PTRHD1: variants seen among roughly 807,000 people sequenced by gnomAD.
The protein encoded by PTRHD1 is peptidyl-tRNA hydrolase domain containing 1.
PTRHD1 carries 12 observed loss-of-function variants against 13.6 expected under a neutral mutation model. The observed-to-expected ratio is 0.88, with a 90% confidence interval of 0.57 to 1.43. The LOEUF (loss-of-function observed/expected upper bound fraction) is 1.43, where lower values mean the gene tolerates loss of function less well. PTRHD1 is among the 40% of genes most tolerant of loss of function. The pLI is 0.00. For synonymous variants in PTRHD1, 86 were observed against 79.5 expected (o/e 1.08, Z -0.43); for missense variants, 203 against 184.7 (o/e 1.10, Z -0.57).
chr2:24,789,752 A>T lies in PTRHD1; in HGVS notation c.*659T>A, dbSNP rs1318000100. 5 of 152,276 alleles carry T rather than the reference A, an allele frequency of 3.3e-5. No homozygotes were observed. Among genetic ancestry groups the T allele is most frequent in the Non-Finnish European group, 7.3e-5 (5 of 68,066 alleles). The allele number at this position is 152,276 out of a possible 1,614,324, so 9.4% of individuals were successfully genotyped here. On this transcript the variant is annotated 3_prime_UTR_variant, in exon 2 of 2. Coordinates refer to ENST00000328379, the MANE Select transcript of PTRHD1 (RefSeq NM_001013663.2). ...CTGTAGTACTTGACAGATTTCATTGAATCTAATAAATCTGTATGTATGTAC... is the reference window on the plus strand; with the variant it reads ...CTGTAGTACTTGACAGATTTCATTGTATCTAATAAATCTGTATGTATGTAC...
chr2:24,792,938 T>C lies in PTRHD1; in HGVS notation c.252+188A>G. ...AGCCCAGCAGGGGGCGGAGGACTGC[T>C]GTCCACTCTTCACACAGTCAGGCCC... On this transcript the variant is annotated intron_variant, in intron 1 of 1. Coordinates refer to ENST00000328379, the MANE Select transcript of PTRHD1 (RefSeq NM_001013663.2). 4.4e-6 allele frequency: 3 copies of C among 680,558 alleles called. No homozygotes were observed. The South Asian group carries it at 5.7e-5, about 13-fold the overall frequency. The allele number at this position is 680,558 out of a possible 1,614,324, so 42.2% of individuals were successfully genotyped here.
At chr2:24,791,018 G>A (rs1397475054) in intron 1 of PTRHD1, among the ~76,000 whole-genome samples, 2 of 151,000 alleles carry the variant, frequency 1.3e-5, no homozygotes, top group Non-Finnish European at 2.9e-5. Flanking sequence ...TCTGGCTCCC[G>A]AGTTCAAGCA....
chr2:24,791,694 C>A (rs1665628867), intron 1 of PTRHD1: 1 of 152,204 alleles, frequency 6.6e-6, no homozygotes, highest in Non-Finnish European at 1.5e-5. Flanking sequence ...TACTGGACTC[C>A]AAACTCTTGC....
At chr2:24,792,490 GACC>G (rs1281284767) in intron 1 of PTRHD1, 1 of 152,614 alleles carries the variant, frequency 6.6e-6, no homozygotes. Context: ...CACTCTTCCC[GACC>G]ACTAAATATG....
chr2:24,791,967 G>A (rs1235441595), intron 1 of PTRHD1, among the ~76,000 whole-genome samples: 1 of 152,116 alleles, frequency 6.6e-6, no homozygotes, highest in South Asian at 2.1e-4. Flanking sequence ...AGAATCATGA[G>A]ACCCTCTTTT....
chr2:24,790,072 T>C lies in PTRHD1; in HGVS notation c.*339A>G, dbSNP rs947530158. On this transcript the variant is annotated 3_prime_UTR_variant, in exon 2 of 2. Coordinates refer to ENST00000328379, the MANE Select transcript of PTRHD1 (RefSeq NM_001013663.2). ...CCGCATCTTAAAGTTGATGTTATCT[T>C]AGATTCAATGAAATATGATAACTGG... is the stretch of plus-strand genomic sequence containing the variant. 2.6e-5 allele frequency: 5 copies of C among 195,214 alleles called. No individual in the cohort carries two copies. The highest frequency in any genetic ancestry group is 1.2e-4 in the African/African-American group (5 of 43,134). The allele number at this position is 195,214 out of a possible 1,614,324, so 12.1% of individuals were successfully genotyped here.
chr2:24,793,237 C>T lies in PTRHD1; in HGVS notation c.141G>A (p.Leu47=). The T allele has an allele frequency of 6.2e-7, 1 of 1,613,548 alleles. No homozygotes were observed. Among genetic ancestry groups the T allele is most frequent in the Admixed American group, 1.7e-5 (1 of 60,038 alleles). The change falls in exon 1 of 2, where the codon CTG becomes CTA. Residue 47 remains leucine (L), a synonymous_variant. Transcript: ENST00000328379. ...QAPFSWPAGA[L]VAQACHAATA... ...TGGCCGCGTGACAAGCCTGCGCTAC[C>T]AGTGCGCCCGCCGGCCAGGAGAACG... is the stretch of plus-strand genomic sequence containing the variant.
chr2:24,790,729 G>A (rs1665602764), intron 1 of PTRHD1, 148 bp from the exon 2 acceptor site: 2 of 664,994 alleles, frequency 3.0e-6, no homozygotes, highest in East Asian at 2.8e-5. Flanking sequence ...TCATTCCGTG[G>A]TGCACTGGGG....
Position 24,793,119 on chromosome 2 carries a change from G to A in PTRHD1, c.252+7C>T. On this transcript the variant is annotated splice_region_variant and intron_variant, in intron 1 of 1. Transcript: ENST00000328379. ...TCAGCACCTCCCCCTCCGCCCGAGTGCCTCACCTCGAGGACCACTTTGCGC... is the reference window on the plus strand; with the variant it reads ...TCAGCACCTCCCCCTCCGCCCGAGTACCTCACCTCGAGGACCACTTTGCGC... The A allele has an allele frequency of 6.2e-7, 1 of 1,609,458 alleles. No individual in the cohort carries two copies. The highest frequency in any genetic ancestry group is 1.1e-5 in the South Asian group (1 of 90,900).
In PTRHD1 at chr2:24,790,495, C is replaced by A. The variant is rs1253915023; in HGVS notation, c.339G>T (p.Glu113Asp). 5 of 1,614,092 alleles carry A rather than the reference C, an allele frequency of 3.1e-6. No homozygotes were observed. The South Asian group carries it at 5.5e-5, about 18-fold the overall frequency. Reference protein sequence around the residue: ...IDHMLWLEQPENIATCIALRP... With the variant: ...IDHMLWLEQPDNIATCIALRP... ...GGAGAGCAATACAAGTGGCGATATT[C>A]TCTGGTTGCTCAAGCCACAGCATGT... The change falls in exon 2 of 2, where the codon GAG becomes GAT. Residue 113 changes from glutamate (E) to aspartate (D), a missense_variant. Transcript: ENST00000328379.
At chr2:24,790,675 T>A in intron 1 of PTRHD1, 94 bp from the exon 2 acceptor site, 2 of 1,141,002 alleles carry the variant, frequency 1.8e-6, no homozygotes, top group Non-Finnish European at 2.5e-6. Flanking sequence ...TGCCTGAAAG[T>A]GGAGTAACAG....
In PTRHD1 at chr2:24,789,826, G is replaced by C. The variant is rs1488118673; in HGVS notation, c.*585C>G. On this transcript the variant is annotated 3_prime_UTR_variant, in exon 2 of 2. Coordinates refer to ENST00000328379, the MANE Select transcript of PTRHD1 (RefSeq NM_001013663.2). ...TTAACTTGTTATTAATCTTTATAGA[G>C]ACAGTGTCTCACTCTGTTGCCCAGG... The C allele has an allele frequency of 6.6e-6, 1 of 152,494 alleles. No homozygotes were observed. Among genetic ancestry groups the C allele is most frequent in the Non-Finnish European group, 1.5e-5 (1 of 68,338 alleles). The allele number at this position is 152,494 out of a possible 1,614,324, so 9.4% of individuals were successfully genotyped here. A position where few individuals can be genotyped will look rare whatever the true frequency, so the allele number is the denominator to read the frequency against.
chr2:24,791,333 C>T (rs2148719893), intron 1 of PTRHD1, among the ~76,000 whole-genome samples: 1 of 152,288 alleles, frequency 6.6e-6, no homozygotes, highest in Non-Finnish European at 1.5e-5. Context: ...ATGGCTCCCA[C>T]TTGTTTATTA....
intron 1 of PTRHD1, chr2:24,792,620 A>G (rs1665660513): frequency 6.3e-6 from 1 of 158,020 alleles, no homozygotes; most frequent in Non-Finnish European, 1.4e-5. Flanking sequence ...GGTAAGGGTG[A>G]GATTTGTTTG....
chr2:24,790,029 A>G lies in PTRHD1; in HGVS notation c.*382T>C, dbSNP rs1461693788. The G allele has an allele frequency of 6.3e-6, 1 of 159,560 alleles. No individual in the cohort carries two copies. 9.9% of individuals were successfully genotyped at this position (159,560 alleles called of 1,614,324 possible). A position where few individuals can be genotyped will look rare whatever the true frequency, so the allele number is the denominator to read the frequency against. ...GTTTAATTTGCCGGCATATTTTTTA[A>G]CAATACATAAAATACTACCGCATCT... On this transcript the variant is annotated 3_prime_UTR_variant, in exon 2 of 2. Transcript: ENST00000328379.
At chr2:24,793,031 G>A (rs1665674344) in intron 1 of PTRHD1, 95 bp downstream of exon 1, 4 of 1,410,634 alleles carry the variant, frequency 2.8e-6, no homozygotes, top group Admixed American at 2.1e-5. Flanking sequence ...AACTCCCGCC[G>A]CACCCACTCC....
intron 1 of PTRHD1, 81 bp from the exon 2 acceptor site, chr2:24,790,662 T>A: frequency 7.6e-7 from 1 of 1,318,276 alleles, no homozygotes; most frequent in Non-Finnish European, 1.0e-6. Flanking sequence ...TCGGGAGTCC[T>A]CTTGCCTGAA....
intron 1 of PTRHD1, 94 bp downstream of exon 1, chr2:24,793,032 C>T (rs947974893): frequency 3.9e-5 from 55 of 1,420,890 alleles, no homozygotes; most frequent in Non-Finnish European, 4.7e-5. Context: ...ACTCCCGCCG[C>T]ACCCACTCCC....
At chr2:24,791,390 G>A (rs772565255) in intron 1 of PTRHD1, 2 of 152,086 alleles carry the variant, frequency 1.3e-5, no homozygotes, top group Non-Finnish European at 2.9e-5. Flanking sequence ...ATTGTTTCTG[G>A]GTCATCCTTA....
Sources: gnomAD v4.1 joint callset for allele counts (sites outside exome capture counted in the v4.1 genomes callset) on GRCh38, gnomAD v4.1.1 for gene constraint, MANE v1.5 for transcripts, NCBI Gene and HGNC (gene_info 2026-07-23, HGNC 2026-07-21) for gene names.